Variants in TET1 observed in about 807,000 individuals in gnomAD.
TET1 encodes tet methylcytosine dioxygenase 1.
A neutral mutation model predicts 148.7 loss-of-function variants in TET1; 13 were observed. The ratio of observed to expected loss-of-function variants is 0.09; its 90% CI spans 0.06 to 0.14. The LOEUF is 0.14. Among genes scored for constraint, TET1 ranks in the 10% least tolerant of loss-of-function variants. The pLI is 1.00. For synonymous variants in TET1, 907 were observed against 937.2 expected, an observed-to-expected ratio of 0.97 and a Z score of 0.59; for missense variants, 2,182 against 2,553.8, an observed-to-expected ratio of 0.85 and a Z score of 3.14.
intron 6 of TET1, among the ~76,000 whole-genome samples, chr10:68,661,701 T>C (rs1355013681): frequency 6.6e-6 from 1 of 151,750 alleles, no homozygotes; most frequent in Admixed American, 6.6e-5. Flanking sequence ...CCCAGGCTGG[T>C]CTTTAACTCC....
chr10:68,631,996 C>T (rs1281985507), intron 3 of TET1, among the ~76,000 whole-genome samples: 1 of 151,614 alleles, frequency 6.6e-6, no homozygotes, highest in Non-Finnish European at 1.5e-5. Flanking sequence ...GAGCATTCCA[C>T]GAAAGATGAC....
intron 3 of TET1, among the ~76,000 whole-genome samples, chr10:68,636,979 C>T (rs1287300761): frequency 4.3e-5 from 5 of 115,062 alleles, no homozygotes; most frequent in Non-Finnish European, 8.7e-5. Flanking sequence ...TTATTTTACT[C>T]GTTGTGTGTG....
intron 3 of TET1, among the ~76,000 whole-genome samples, chr10:68,633,340 T>A (rs1028684520): frequency 4.0e-5 from 6 of 151,258 alleles, no homozygotes; most frequent in South Asian, 2.1e-4. Context: ...TTTGTTTTTT[T>A]AAAAATTAAT....
intron 3 of TET1, among the ~76,000 whole-genome samples, chr10:68,630,932 T>C (rs2054559438): frequency 6.6e-6 from 1 of 152,138 alleles, no homozygotes; most frequent in African/African-American, 2.4e-5. Context: ...ATCCCAATAC[T>C]TTGGGAGGCT....
At position 68,573,303 on chromosome 10, in the gene TET1, C is replaced by A. The variant is rs377638565; in HGVS notation, c.965C>A (p.Ser322Tyr). The change falls in exon 2 of 12, where the codon TCT becomes TAT. Residue 322 changes from serine to tyrosine, a missense_variant. Coordinates refer to ENST00000373644, the MANE Select transcript of TET1 (RefSeq NM_030625.3). ...RNCLALGGST[S>Y]PTSVIKFLLA... The stretch of plus-strand genomic sequence containing the variant: ...TGCTTGGCTCTTGGTGGGTCTACGT[C>A]TCCTACCTCTGTAATAAAATTCCTC... 7 of 1,614,090 alleles carry A rather than the reference C, an allele frequency of 4.3e-6. No homozygotes were observed. Among genetic ancestry groups the A allele is most frequent in the Non-Finnish European group, 8.5e-7 (1 of 1,180,038 alleles).
chr10:68,591,418 A>G (rs1331403458), intron 2 of TET1, among the ~76,000 whole-genome samples: 2 of 152,218 alleles, frequency 1.3e-5, no homozygotes, highest in African/African-American at 4.8e-5. Flanking sequence ...TGGAATGAAC[A>G]AAGTAAGAGC....
Position 68,651,857 on chromosome 10 carries a change from C to A in TET1, c.4288C>A (p.Gln1430Lys), listed in dbSNP as rs1589113088. ...TATTCCTTCCACAGATCGAGTTATACAAAAAGACAAAGGCCCATATTATAC... is the reference window on the plus strand; with the variant it reads ...TATTCCTTCCACAGATCGAGTTATAAAAAAAGACAAAGGCCCATATTATAC... ...PTCSCLDRVIQKDKGPYYTHL... is the reference protein window; with the variant it reads ...PTCSCLDRVIKKDKGPYYTHL... The change falls in exon 5 of 12, where the codon CAA (glutamine) becomes AAA (lysine). Residue 1430 changes from glutamine (Q) to lysine (K), a missense_variant. By Grantham distance (53) the Gln-to-Lys change is moderately conservative. This residue lies in a region of TET1 where 169 missense variants were observed against 263.7 expected (regional missense o/e 0.64). Transcript: ENST00000373644. The A allele has an allele frequency of 6.2e-7, 1 of 1,611,966 alleles. No homozygotes were observed. The highest frequency in any genetic ancestry group is 8.5e-7 in the Non-Finnish European group (1 of 1,179,382).
At position 68,574,165 on chromosome 10, in the gene TET1, C is replaced by T. The variant is rs781425691; in HGVS notation, c.1827C>T (p.Cys609=). ...QKTNCGECTY[C]KNRKNSHQIC... ...CCAACTGTGGTGAATGCACTTACTG[C>T]AAGAACAGAAAGAACAGCCATCAGA... The change falls in exon 2 of 12, where the codon TGC becomes TGT. Residue 609 remains cysteine (C), a synonymous_variant. Transcript: ENST00000373644. 8 of 1,613,646 alleles carry T rather than the reference C, an allele frequency of 5.0e-6. No homozygotes were observed. Among genetic ancestry groups the T allele is most frequent in the Non-Finnish European group, 6.8e-6 (8 of 1,180,036 alleles).
intron 3 of TET1, among the ~76,000 whole-genome samples, chr10:68,639,074 TAAA>T (rs34061936): frequency 1.4e-4 from 21 of 151,882 alleles, no homozygotes; most frequent in Middle Eastern, 3.4e-3. Flanking sequence ...ATATAACTAA[TAAA>T]AAAGTTCAAG....
chr10:68,561,719 G>GTA (rs2053556109), intron 1 of TET1, among the ~76,000 whole-genome samples: 1 of 125,090 alleles, frequency 8.0e-6, no homozygotes, highest in African/African-American at 3.1e-5. Flanking sequence ...CCCCGCTCCG[G>GTA]TCCCCGCCTC....
intron 3 of TET1, among the ~76,000 whole-genome samples, chr10:68,624,083 TTTTCTTTCTTTC>T: frequency 6.7e-6 from 1 of 148,800 alleles, no homozygotes; most frequent in African/African-American, 2.5e-5. Context: ...ATATTTTCTT[TTTTCTTTCTTTC>T]TTTCTTTTCT....
At chr10:68,575,042 G>A (rs1286695744) in intron 2 of TET1, among the ~76,000 whole-genome samples, 1 of 152,196 alleles carries the variant, frequency 6.6e-6, no homozygotes, top group African/African-American at 2.4e-5. Context: ...TTAAAGTTAT[G>A]TTTATTACAT....
At chr10:68,656,356 G>A (rs1228316256) in intron 6 of TET1, among the ~76,000 whole-genome samples, 1 of 152,084 alleles carries the variant, frequency 6.6e-6, no homozygotes, top group Non-Finnish European at 1.5e-5. Context: ...TCCGCCTCCT[G>A]GGTTCACACC....
At position 68,651,904 on chromosome 10, in the gene TET1, T is replaced by C; in HGVS notation, c.4335T>C (p.Ser1445=). ...PYYTHLGAGP[S]VAAVREIMEN... is the part of the protein sequence containing the mutation. Reference sequence around the variant, plus strand: ...ATACACACCTTGGGGCAGGACCAAGTGTTGCTGCTGTCAGGGAAATCATGG... The same window carrying C: ...ATACACACCTTGGGGCAGGACCAAGCGTTGCTGCTGTCAGGGAAATCATGG... Residue 1445 remains serine (S), a synonymous_variant, in exon 5 of 12, where the codon AGT becomes AGC. Coordinates refer to ENST00000373644, the MANE Select transcript of TET1 (RefSeq NM_030625.3). 1.2e-6 allele frequency: 2 copies of C among 1,613,954 alleles called. No homozygotes were observed. Among genetic ancestry groups the C allele is most frequent in the Non-Finnish European group, 1.7e-6 (2 of 1,179,960 alleles).
chr10:68,624,896 T>TA (rs1297468563), intron 3 of TET1, among the ~76,000 whole-genome samples: 1 of 150,790 alleles, frequency 6.6e-6, no homozygotes, highest in African/African-American at 2.5e-5. Flanking sequence ...CACGCCCAGC[T>TA]AATTTTTTTT....
At chr10:68,596,019 C>CATATATAT (rs1564959051) in intron 2 of TET1, among the ~76,000 whole-genome samples, 15 of 108,264 alleles carry the variant, frequency 1.4e-4, no homozygotes, top group African/African-American at 3.3e-4. Flanking sequence ...CACACACACA[C>CATATATAT]ACACACACAT....
chr10:68,618,855 A>C (rs922606658), intron 3 of TET1, among the ~76,000 whole-genome samples: 3 of 152,188 alleles, frequency 2.0e-5, no homozygotes, highest in African/African-American at 7.2e-5. Flanking sequence ...TCATCTCAGC[A>C]CTTTGGGAGG....
At position 68,686,639 on chromosome 10, in the gene TET1, C is replaced by T. The variant is rs1161437530; in HGVS notation, c.5336C>T (p.Pro1779Leu). ...AGGGCAGTGGAAAAGAAACCTATTC[C>T]CCGAATCAAGCGGAAGAATAACTCA... The part of the protein sequence containing the change: ...KIRAVEKKPI[P>L]RIKRKNNSTT... Residue 1779 changes from proline (P) to leucine (L), a missense_variant, in exon 11 of 12, where the codon CCC becomes CTC. Transcript: ENST00000373644. 2 of 1,614,020 alleles carry T rather than the reference C, an allele frequency of 1.2e-6. No homozygotes were observed. The highest frequency in any genetic ancestry group is 1.3e-5 in the African/African-American group (1 of 74,906).
At chr10:68,561,002 C>T (rs1008076849) in intron 1 of TET1, among the ~76,000 whole-genome samples, 1 of 152,212 alleles carries the variant, frequency 6.6e-6, no homozygotes, top group African/African-American at 2.4e-5. Flanking sequence ...GAGGCCCCGC[C>T]ACAGCGCCGG....
Sources: allele counts gnomAD v4.1 joint callset (sites outside exome capture counted in the v4.1 genomes callset), GRCh38; gene constraint gnomAD v4.1.1; regional missense constraint gnomAD v4.1.1; transcripts MANE v1.5; gene names NCBI Gene and HGNC (gene_info 2026-07-23, HGNC 2026-07-21).